Variants in LUC7L observed in about 807,000 individuals in gnomAD.
The protein encoded by LUC7L is putative RNA-binding protein Luc7-like 1.
LUC7L carries 29 observed loss-of-function variants against 51.1 expected under a neutral mutation model. That is an observed-to-expected ratio of 0.57 (90% CI 0.42 to 0.77). LUC7L has a LOEUF of 0.77. Ranked by LOEUF, LUC7L falls within the 30% of genes least tolerant of loss-of-function variation. The probability of loss-of-function intolerance (pLI) is 0.00; values close to 1 mark genes in which losing one functional copy is unlikely to be tolerated. For missense variants in LUC7L, 403 were observed against 511.9 expected, an observed-to-expected ratio of 0.79 and a Z score of 2.05; for synonymous variants, 181 against 180.7, an observed-to-expected ratio of 1.00 and a Z score of -0.01.
chr16:222,463 C>A (rs1258922718), intron 2 of LUC7L, among the ~76,000 whole-genome samples: 1 of 151,786 alleles, frequency 6.6e-6, no homozygotes, highest in African/African-American at 2.4e-5. Context: ...CATAGCAAGA[C>A]CCTGTCTCTA....
In LUC7L at chr16:206,023, G is replaced by A. The variant is rs757770168; in HGVS notation, c.491C>T (p.Ala164Val). ...KILMEVEKVR[A>V]KKKEAEEEYR... ...ACCAACCTCAGCTTCTTTTTTCTTC[G>A]CACGAACTTTTTCCACTTCCATAAG... The change falls in exon 5 of 10, where the codon GCG becomes GTG. Residue 164 changes from alanine to valine, a missense_variant. Physicochemically the swap from Ala to Val is moderately conservative, Grantham distance 64. Transcript: ENST00000293872. 35 of 1,610,764 alleles carry A rather than the reference G, an allele frequency of 2.2e-5. No individual in the cohort carries two copies. Among genetic ancestry groups the A allele is most frequent in the East Asian group, 1.6e-4 (7 of 44,856 alleles).
At chr16:215,999 C>T (rs560156783) in intron 3 of LUC7L, among the ~76,000 whole-genome samples, 3 of 151,558 alleles carry the variant, frequency 2.0e-5, no homozygotes, top group South Asian at 4.2e-4. Flanking sequence ...CTGCCCAGCC[C>T]GGTTTACTGT....
intron 5 of LUC7L, among the ~76,000 whole-genome samples, chr16:201,378 G>A (rs1189567817): frequency 6.6e-6 from 1 of 151,178 alleles, no homozygotes; most frequent in East Asian, 1.9e-4. Context: ...AATAAACTCT[G>A]ATTATGTTGA....
chr16:220,718 G>C lies in LUC7L; in HGVS notation c.186C>G (p.Ile62Met). The C allele has an allele frequency of 1.2e-6, 2 of 1,614,056 alleles. No individual in the cohort carries two copies. The highest frequency in any genetic ancestry group is 2.2e-5 in the East Asian group (1 of 44,882). ...AATCTGCTCGGAGGGCCAAGTCGTG[G>C]ATTTTGGTACATTCTCCTAAATCCA... ...TRMDLGECTKIHDLALRADYE... is the reference protein window; with the variant it reads ...TRMDLGECTKMHDLALRADYE... Residue 62 changes from isoleucine to methionine, a missense_variant, in exon 3 of 10, where the codon ATC (isoleucine) becomes ATG (methionine). Around this residue, in one of 3 missense-constraint regions of LUC7L, gnomAD observed 182 missense variants for 248.4 expected, o/e 0.73. Coordinates refer to ENST00000293872, the MANE Select transcript of LUC7L (RefSeq NM_201412.3).
intron 6 of LUC7L, among the ~76,000 whole-genome samples, chr16:195,455 CCT>C (rs1300547099): frequency 1.3e-5 from 2 of 151,998 alleles, no homozygotes; most frequent in Non-Finnish European, 2.9e-5. Context: ...CGAAAAAAAT[CCT>C]CTGTTGTCTA....
At chr16:189,625 A>G in intron 9 of LUC7L, 1 of 1,327,030 alleles carries the variant, frequency 7.5e-7, no homozygotes, top group South Asian at 2.4e-5. Context: ...CTACGTAAAA[A>G]CACAATGGAA....
chr16:229,213 A>C, intron 1 of LUC7L, 66 bp downstream of exon 1: 1 of 1,509,492 alleles, frequency 6.6e-7, no homozygotes, highest in Non-Finnish European at 8.8e-7. Flanking sequence ...CCCCCGCCTC[A>C]GGCCGCCCGG....
intron 2 of LUC7L, among the ~76,000 whole-genome samples, chr16:223,764 G>C (rs2050043535): frequency 6.6e-6 from 1 of 151,804 alleles, no homozygotes; most frequent in Non-Finnish European, 1.5e-5. Flanking sequence ...CTGCCTCCCA[G>C]ATTCAAGTAA....
At chr16:218,942 A>G (rs1404480915) in intron 3 of LUC7L, among the ~76,000 whole-genome samples, 1 of 147,770 alleles carries the variant, frequency 6.8e-6, no homozygotes, top group African/African-American at 2.5e-5. Flanking sequence ...AAAAAAAAAA[A>G]AAAAAAAAAG....
intron 1 of LUC7L, chr16:227,956 T>C (rs984039899): frequency 9.7e-6 from 10 of 1,029,266 alleles, no homozygotes; most frequent in African/African-American, 3.5e-5. Context: ...GGTTAGTCAA[T>C]ACACACTGTG....
chr16:207,654 A>G (rs1166638264), intron 4 of LUC7L, among the ~76,000 whole-genome samples: 1 of 152,242 alleles, frequency 6.6e-6, no homozygotes, highest in African/African-American at 2.4e-5. Flanking sequence ...ACAGCCCTCT[A>G]TCCTTAACTG....
chr16:228,995 C>T, intron 1 of LUC7L: 19 of 1,434,440 alleles, frequency 1.3e-5, no homozygotes, highest in Non-Finnish European at 1.7e-5. Context: ...CACGGAGCCG[C>T]GGCGCCCGCC....
intron 2 of LUC7L, among the ~76,000 whole-genome samples, chr16:224,488 C>T (rs1041812163): frequency 2.8e-5 from 4 of 144,310 alleles, no homozygotes; most frequent in African/African-American, 1.0e-4. Flanking sequence ...CATTACATTC[C>T]AGCCTGGGCA....
intron 1 of LUC7L, chr16:228,681 C>T (rs961662914): frequency 1.7e-6 from 2 of 1,199,170 alleles, no homozygotes; most frequent in African/African-American, 3.2e-5. Flanking sequence ...TTGAGCTCCT[C>T]CCTACACAGT....
Position 199,128 on chromosome 16 carries a change from T to A in LUC7L, c.621A>T (p.Ala207=), listed in dbSNP as rs939360221. 3.1e-6 allele frequency: 5 copies of A among 1,613,712 alleles called. No homozygotes were observed. In the African/African-American group the frequency reaches 6.7e-5, roughly 22 times the overall value. The part of the protein sequence containing the change: ...LGLHDNDRRL[A]DHFGGKLHLG... ...AGTGTAACTTGCCACCGAAGTGGTC[T>A]GCCAGGCGACGGTCATTGTCATGGA... The change falls in exon 6 of 10, where the codon GCA becomes GCT. Residue 207 remains alanine, a synonymous_variant. Transcript: ENST00000293872.
At chr16:222,906 G>A (rs1447587935) in intron 2 of LUC7L, among the ~76,000 whole-genome samples, 8 of 144,460 alleles carry the variant, frequency 5.5e-5, no homozygotes, top group East Asian at 2.1e-4. Context: ...CTGGGATTAC[G>A]AGCGTGAGCC....
At chr16:193,110 G>C in intron 6 of LUC7L, 95 bp from the exon 7 acceptor site, 1 of 967,530 alleles carries the variant, frequency 1.0e-6, no homozygotes, top group Non-Finnish European at 1.6e-6. Flanking sequence ...GCTCAGTATT[G>C]GTAATTTAAA....
At chr16:228,227 CTTT>C in intron 1 of LUC7L, 1 of 1,296,354 alleles carries the variant, frequency 7.7e-7, no homozygotes, top group Non-Finnish European at 1.0e-6. Context: ...AATGTAGTGT[CTTT>C]TTATTGAAAA....
chr16:227,658 C>T (rs2050164459), intron 1 of LUC7L: 2 of 1,112,092 alleles, frequency 1.8e-6, no homozygotes, highest in Non-Finnish European at 2.2e-6. Context: ...GACTGCAAAA[C>T]CCAAGCTAAT....
Sources: allele counts gnomAD v4.1 joint callset (sites outside exome capture counted in the v4.1 genomes callset), GRCh38; gene constraint gnomAD v4.1.1; regional missense constraint gnomAD v4.1.1; transcripts MANE v1.5; gene names NCBI Gene and HGNC (gene_info 2026-07-23, HGNC 2026-07-21).